ATL3: variants seen among roughly 807,000 people sequenced by gnomAD.
ATL3 encodes the protein atlastin GTPase 3.
Under a neutral mutation model 69.5 loss-of-function variants are expected in ATL3, and 49 were observed. That is an observed-to-expected ratio of 0.71 (90% CI 0.56 to 0.89). The LOEUF (loss-of-function observed/expected upper bound fraction) is 0.89. Among genes scored for constraint, ATL3 ranks in the 40% least tolerant of loss-of-function variants. The pLI, the probability that ATL3 is intolerant of heterozygous loss-of-function variation, is 0.00. For missense variants in ATL3, 606 were observed against 645.7 expected (o/e 0.94, Z 0.67); for synonymous variants, 214 against 224.1 (o/e 0.95, Z 0.40).
intron 8 of ATL3, among the ~76,000 whole-genome samples, chr11:63,639,202 T>C (rs1939614850): frequency 6.6e-6 from 1 of 152,234 alleles, no homozygotes; most frequent in African/African-American, 2.4e-5. Context: ...TCACCCGCTA[T>C]TTGCAATTTA....
chr11:63,667,898 G>C (rs1940627404), intron 1 of ATL3, among the ~76,000 whole-genome samples: 1 of 151,932 alleles, frequency 6.6e-6, no homozygotes, highest in African/African-American at 2.4e-5. Flanking sequence ...AGCATCCCTG[G>C]CCTCTACCCA....
intron 3 of ATL3, among the ~76,000 whole-genome samples, chr11:63,653,449 A>C (rs181567212): frequency 6.6e-6 from 1 of 151,862 alleles, no homozygotes; most frequent in East Asian, 1.9e-4. Flanking sequence ...TGGGTGAGAG[A>C]GCGAGATTTT....
At chr11:63,659,552 G>C (rs1481070504) in intron 1 of ATL3, among the ~76,000 whole-genome samples, 1 of 152,080 alleles carries the variant, frequency 6.6e-6, no homozygotes, top group Admixed American at 6.6e-5. Flanking sequence ...GAGCCCAGGG[G>C]TTTGAGGTTA....
intron 5 of ATL3, among the ~76,000 whole-genome samples, chr11:63,648,805 T>C (rs1026364152): frequency 3.4e-5 from 5 of 148,964 alleles, no homozygotes; most frequent in Non-Finnish European, 5.9e-5. Flanking sequence ...TGAGACTCTG[T>C]CTCTAAAAAA....
rs1193716765 is a variant in ATL3 at position 63,626,726 on chromosome 11, A to T, written c.*2593T>A. ...AAACAGGCACAGTCTGAGCATCTGA[A>T]CCACAAGTAAAAGGTGAGAGAAGTA... is the stretch of plus-strand genomic sequence containing the variant. On this transcript the variant is annotated 3_prime_UTR_variant, in exon 13 of 13. Coordinates refer to ENST00000398868, the MANE Select transcript of ATL3 (RefSeq NM_015459.5). 1 of 152,222 alleles carries T rather than the reference A, an allele frequency of 6.6e-6. No individual in the cohort carries two copies. Among genetic ancestry groups the T allele is most frequent in the African/African-American group, 2.4e-5 (1 of 41,460 alleles). The allele number at this position is 152,222 out of a possible 1,614,324, so 9.4% of individuals were successfully genotyped here.
chr11:63,659,517 G>T (rs571515619), intron 1 of ATL3, among the ~76,000 whole-genome samples: 67 of 152,248 alleles, frequency 4.4e-4, no homozygotes, highest in Admixed American at 2.6e-4. Flanking sequence ...TAGCTACTTG[G>T]GAGGCTGAGG....
intron 1 of ATL3, among the ~76,000 whole-genome samples, chr11:63,659,721 G>A (rs1940364354): frequency 6.6e-6 from 1 of 152,084 alleles, no homozygotes; most frequent in African/African-American, 2.4e-5. Context: ...GATCACTTGA[G>A]GTCAGGAGTT....
upstream of ATL3, chr11:63,671,420 G>A (rs771205800): frequency 3.3e-6 from 5 of 1,516,630 alleles, no homozygotes; most frequent in East Asian, 8.1e-5. Flanking sequence ...CCCTGGAAGC[G>A]GGAAACGGGC....
chr11:63,651,096 C>T (rs941039039), intron 5 of ATL3, among the ~76,000 whole-genome samples: 1 of 152,082 alleles, frequency 6.6e-6, no homozygotes, highest in Non-Finnish European at 1.5e-5. Flanking sequence ...GAATTGCATC[C>T]AACCCTGGAA....
In ATL3 at chr11:63,659,021, A is replaced by C; in HGVS notation, c.261+17T>G. ...AAAGTCTCACTTTTTACTTGAAATAAAATAATTCTATCTTACCTGAGAATA... is the reference window on the plus strand; with the variant it reads ...AAAGTCTCACTTTTTACTTGAAATACAATAATTCTATCTTACCTGAGAATA... On this transcript the variant is annotated intron_variant, in intron 2 of 12. Coordinates refer to ENST00000398868, the MANE Select transcript of ATL3 (RefSeq NM_015459.5). 6.2e-7 allele frequency: 1 copy of C among 1,612,344 alleles called. No homozygotes were observed. Among genetic ancestry groups the C allele is most frequent in the South Asian group, 1.1e-5 (1 of 91,032 alleles).
intron 5 of ATL3, among the ~76,000 whole-genome samples, chr11:63,647,910 C>T (rs1443000837): frequency 6.6e-6 from 1 of 152,162 alleles, no homozygotes; most frequent in African/African-American, 2.4e-5. Flanking sequence ...CAGGGGCCAA[C>T]AAGGAAGAAG....
At chr11:63,635,691 G>C in intron 9 of ATL3, 101 bp from the exon 10 acceptor site, 6 of 909,004 alleles carry the variant, frequency 6.6e-6, no homozygotes, top group Non-Finnish European at 1.0e-5. Context: ...TTTTCCTAAA[G>C]ACTTAGGTCA....
chr11:63,653,630 C>T (rs1277672954), intron 3 of ATL3, among the ~76,000 whole-genome samples: 1 of 152,070 alleles, frequency 6.6e-6, no homozygotes, highest in Non-Finnish European at 1.5e-5. Flanking sequence ...CAAACTGGTG[C>T]CTTCATAATG....
rs1346601056 is a variant in ATL3, at chr11:63,651,938, G to A, written c.559C>T (p.Gln187Ter). 3 of 1,594,026 alleles carry A rather than the reference G, an allele frequency of 1.9e-6. No homozygotes were observed. The highest frequency in any genetic ancestry group is 2.6e-6 in the Non-Finnish European group (3 of 1,174,294). The change falls in exon 5 of 13, where the codon CAG (glutamine) becomes TAG (stop). Residue 187 changes from glutamine (Q) to a stop codon, truncating the protein, a stop_gained and splice_region_variant. Coordinates refer to ENST00000398868, the MANE Select transcript of ATL3 (RefSeq NM_015459.5). LOFTEE classifies it high-confidence loss of function. ...NIQEDDLQQL[Q>*]LFTEYGRLAM... is the part of the protein sequence containing the mutation. ...AAATTGTTATGAGAAATATATACCT[G>A]CAGCTGTTGAAGATCATCTTCTTGA...
chr11:63,658,524 G>A (rs1352578368), intron 3 of ATL3, among the ~76,000 whole-genome samples: 1 of 152,156 alleles, frequency 6.6e-6, no homozygotes, highest in Non-Finnish European at 1.5e-5. Context: ...GCAATCAGCA[G>A]ACCAAGGAGA....
chr11:63,645,924 C>T (rs536911719), intron 6 of ATL3, among the ~76,000 whole-genome samples: 3 of 152,092 alleles, frequency 2.0e-5, no homozygotes, highest in Admixed American at 6.6e-5. Context: ...CCCACCACCA[C>T]GCCCAGCTGA....
At chr11:63,670,824 C>T (rs1349601218) in intron 1 of ATL3, among the ~76,000 whole-genome samples, 2 of 152,270 alleles carry the variant, frequency 1.3e-5, no homozygotes, top group Admixed American at 1.3e-4. Flanking sequence ...CCAGCATTCA[C>T]CTTCCCGCTC....
chr11:63,670,683 T>C (rs920898248), intron 1 of ATL3, among the ~76,000 whole-genome samples: 2 of 152,262 alleles, frequency 1.3e-5, no homozygotes, highest in Non-Finnish European at 2.9e-5. Flanking sequence ...ACCAATTCTT[T>C]ACAGCGTTAA....
intron 1 of ATL3, chr11:63,670,304 C>T (rs1259549338): frequency 6.6e-6 from 1 of 152,074 alleles, no homozygotes; most frequent in African/African-American, 2.4e-5. Flanking sequence ...ATTAGTACTC[C>T]GTAGGTTATG....
Sources: allele counts gnomAD v4.1 joint callset (sites outside exome capture counted in the v4.1 genomes callset), GRCh38; gene constraint gnomAD v4.1.1; transcripts MANE v1.5; gene names NCBI Gene and HGNC (gene_info 2026-07-23, HGNC 2026-07-21).